The following EOGT variants were observed in gnomAD, a reference collection of about 807,000 sequenced individuals.
EOGT encodes EGF domain-specific O-linked N-acetylglucosamine transferase.
Under a neutral mutation model 70.5 loss-of-function variants are expected in EOGT, and 55 were observed. The ratio of observed to expected loss-of-function variants is 0.78; its 90% CI spans 0.63 to 0.98. The LOEUF is 0.98. EOGT is among the 50% of genes least tolerant of loss of function. The pLI, the probability that EOGT is intolerant of heterozygous loss-of-function variation, is 0.00. For synonymous variants in EOGT, 246 were observed against 217.1 expected, an observed-to-expected ratio of 1.13 and a Z score of -1.17; for missense variants, 703 against 641.9, an observed-to-expected ratio of 1.10 and a Z score of -1.03.
intron 10 of EOGT, among the ~76,000 whole-genome samples, chr3:68,994,293 A>G (rs1387255435): frequency 1.3e-5 from 2 of 152,170 alleles, no homozygotes; most frequent in Non-Finnish European, 2.9e-5. Flanking sequence ...GCAGTGAGCT[A>G]GGATCATATT....
At chr3:69,011,024 C>T (rs1474785433) in intron 3 of EOGT, among the ~76,000 whole-genome samples, 1 of 152,002 alleles carries the variant, frequency 6.6e-6, no homozygotes, top group Non-Finnish European at 1.5e-5. Flanking sequence ...AAGACTGTGC[C>T]CTTAAGCTCT....
chr3:69,001,075 A>G (rs1156901780), intron 9 of EOGT, among the ~76,000 whole-genome samples: 1 of 151,342 alleles, frequency 6.6e-6, no homozygotes, highest in East Asian at 1.9e-4. Flanking sequence ...CCCCGCTTCA[A>G]CCTCCCGAGT....
chr3:68,993,907 C>T (rs1478418999), intron 10 of EOGT, among the ~76,000 whole-genome samples: 1 of 152,148 alleles, frequency 6.6e-6, no homozygotes, highest in Non-Finnish European at 1.5e-5. Flanking sequence ...ACAAGAATAA[C>T]ACAGGAAAGA....
At chr3:68,990,908 A>G (rs937554866) in intron 10 of EOGT, among the ~76,000 whole-genome samples, 3 of 152,036 alleles carry the variant, frequency 2.0e-5, no homozygotes, top group Admixed American at 2.0e-4. Flanking sequence ...TGTGAAAAAA[A>G]AAAAAAAAAG....
Position 68,977,436 on chromosome 3 carries a change from G to A in EOGT, c.*182C>T. 3.5e-6 allele frequency: 2 copies of A among 571,926 alleles called. No individual in the cohort carries two copies. The highest frequency in any genetic ancestry group is 3.5e-5 in the East Asian group (1 of 28,522). 35.4% of individuals were successfully genotyped at this position (571,926 alleles called of 1,614,324 possible). A position where few individuals can be genotyped will look rare whatever the true frequency, so the allele number is the denominator to read the frequency against. ...ATTATTGCTATTGATAAATAGCAATGACACAAAAACCACATGAAACACTTA... is the reference window on the plus strand; with the variant it reads ...ATTATTGCTATTGATAAATAGCAATAACACAAAAACCACATGAAACACTTA... On this transcript the variant is annotated 3_prime_UTR_variant, in exon 18 of 18. Coordinates refer to ENST00000383701, the MANE Select transcript of EOGT (RefSeq NM_001278689.2).
chr3:68,991,361 A>T (rs546626289), intron 10 of EOGT, among the ~76,000 whole-genome samples: 16 of 152,254 alleles, frequency 1.1e-4, no homozygotes, highest in Middle Eastern at 3.2e-3. Context: ...AATCTGTCCT[A>T]CAGAAATGCT....
chr3:68,982,667 G>T, intron 15 of EOGT, 144 bp downstream of exon 15: 1 of 442,374 alleles, frequency 2.3e-6, no homozygotes, highest in Non-Finnish European at 4.0e-6. Context: ...GACTTCACCT[G>T]CCCATTTCAT....
chr3:68,989,852 G>T (rs1358872790), intron 10 of EOGT, among the ~76,000 whole-genome samples: 1 of 151,428 alleles, frequency 6.6e-6, no homozygotes, highest in Non-Finnish European at 1.5e-5. Context: ...AAAGTGGGAG[G>T]ATCACTTGAG....
intron 10 of EOGT, among the ~76,000 whole-genome samples, chr3:68,995,677 G>C (rs62254189): frequency 1.2e-3 from 186 of 152,296 alleles, no homozygotes; most frequent in Non-Finnish European, 2.2e-3. Context: ...ACAGGTACAA[G>C]GAAGCTTCTG....
rs560607406 is a variant in EOGT at position 69,005,184 on chromosome 3, G to A, written c.471C>T (p.Thr157=). The A allele has an allele frequency of 7.8e-5, 125 of 1,606,648 alleles. No individual in the cohort carries two copies. The South Asian group carries it at 1.4e-3, about 18-fold the overall frequency. The change falls in exon 7 of 18, where the codon ACC becomes ACT. Residue 157 remains threonine, a synonymous_variant. Coordinates refer to ENST00000383701, the MANE Select transcript of EOGT (RefSeq NM_001278689.2). ...CSRYLQYCRA[T]NLYLDLRNIK... ...TGTTTCTTAAATCAAGATAGAGATT[G>A]GTTGCTCTGCAGTACTGAAGATAAC...
chr3:68,978,757 A>AAGTGT (rs1478470123), intron 16 of EOGT, among the ~76,000 whole-genome samples: 2 of 152,286 alleles, frequency 1.3e-5, no homozygotes, highest in African/African-American at 4.8e-5. Flanking sequence ...GGGATAGGTA[A>AAGTGT]CACTTCCAAG....
intron 3 of EOGT, among the ~76,000 whole-genome samples, chr3:69,011,438 C>A (rs1559619434): frequency 6.6e-6 from 1 of 151,350 alleles, no homozygotes; most frequent in Non-Finnish European, 1.5e-5. Flanking sequence ...CCAGCTTGGG[C>A]AACGTGATGA....
At chr3:68,979,444 G>A (rs543359692) in intron 16 of EOGT, among the ~76,000 whole-genome samples, 6 of 152,302 alleles carry the variant, frequency 3.9e-5, no homozygotes, top group African/African-American at 4.8e-5. Context: ...TATCATGCTC[G>A]GGATGGGAAG....
intron 14 of EOGT, among the ~76,000 whole-genome samples, chr3:68,985,424 A>G (rs2090777214): frequency 6.6e-6 from 1 of 152,082 alleles, no homozygotes; most frequent in South Asian, 2.1e-4. Context: ...TCTGTGTAAA[A>G]TATTTTACCC....
chr3:68,986,370 A>G (rs556796547), intron 14 of EOGT, among the ~76,000 whole-genome samples: 7 of 151,928 alleles, frequency 4.6e-5, no homozygotes, highest in Non-Finnish European at 1.0e-4. Context: ...TCTACCAACA[A>G]CGCCCTGCTT....
At chr3:69,007,250 A>G (rs1296923610) in intron 6 of EOGT, among the ~76,000 whole-genome samples, 1 of 152,230 alleles carries the variant, frequency 6.6e-6, no homozygotes, top group Non-Finnish European at 1.5e-5. Flanking sequence ...ATAAAATTCT[A>G]TGCCAATAAC....
At position 68,977,725 on chromosome 3, in the gene EOGT, T is replaced by C. The variant is rs1229148085; in HGVS notation, c.1477A>G (p.Asn493Asp). Residue 493 changes from asparagine to aspartate, a missense_variant, in exon 18 of 18, where the codon AAC becomes GAC. By Grantham distance (23) the Asn-to-Asp change is conservative. Coordinates refer to ENST00000383701, the MANE Select transcript of EOGT (RefSeq NM_001278689.2). The part of the protein sequence containing the change: ...PTLGEHPKFT[N>D]YSFDVEEFMY... ...AATTCTTCTACATCGAAAGAGTAGT[T>C]GGTGAACTTCGGGTGCTCCCCCAGG... The C allele has an allele frequency of 1.2e-6, 2 of 1,613,622 alleles. No homozygotes were observed. Among genetic ancestry groups the C allele is most frequent in the East Asian group, 4.5e-5 (2 of 44,858 alleles).
In EOGT at chr3:69,009,637, C is replaced by A; in HGVS notation, c.210G>T (p.Lys70Asn). The A allele has an allele frequency of 6.2e-7, 1 of 1,609,712 alleles. No individual in the cohort carries two copies. The highest frequency in any genetic ancestry group is 2.2e-5 in the East Asian group (1 of 44,818). Residue 70 changes from lysine to asparagine, a missense_variant and splice_region_variant, in exon 4 of 18, where the codon AAG becomes AAT. Lys to Asn is a moderately conservative substitution (Grantham distance 94). Transcript: ENST00000383701. ...TAAGGAGAAAAGAAATAATACCTACCTTATATGGACAAAGAGAGTCTTTCC... is the reference window on the plus strand; with the variant it reads ...TAAGGAGAAAAGAAATAATACCTACATTATATGGACAAAGAGAGTCTTTCC... ...VCRKDSLCPY[K>N]KHLEKLKYCW...
Position 69,001,693 on chromosome 3 carries a change from A to G in EOGT, c.642T>C (p.Tyr214=). ...LQSWFAELQS[Y]TQLNFRPIED... ...CTATAGGTCTGAAGTTGAGCTGAGT[A>G]TAGCTTTGTAGCTCAGCAAACCTGA... Residue 214 remains tyrosine, a synonymous_variant, in exon 9 of 18, where the codon TAT becomes TAC. Coordinates refer to ENST00000383701, the MANE Select transcript of EOGT (RefSeq NM_001278689.2). The G allele has an allele frequency of 6.2e-7, 1 of 1,610,976 alleles. No homozygotes were observed. The highest frequency in any genetic ancestry group is 8.5e-7 in the Non-Finnish European group (1 of 1,178,666).
Sources: allele counts gnomAD v4.1 joint callset (sites outside exome capture counted in the v4.1 genomes callset), GRCh38; gene constraint gnomAD v4.1.1; transcripts MANE v1.5; gene names NCBI Gene and HGNC (gene_info 2026-07-23, HGNC 2026-07-21).